The following UBE2E2 variants were observed in gnomAD, a reference collection of about 807,000 sequenced individuals.
The protein encoded by UBE2E2 is ubiquitin conjugating enzyme E2 E2, also known as ubiquitin-conjugating enzyme E2 E2.
Under a neutral mutation model 24.7 loss-of-function variants are expected in UBE2E2, and 6 were observed. The ratio of observed to expected loss-of-function variants is 0.24; its 90% CI spans 0.13 to 0.48. UBE2E2 has a LOEUF of 0.48. Among genes scored for constraint, UBE2E2 ranks in the 20% least tolerant of loss-of-function variants. The probability of loss-of-function intolerance (pLI) is 0.99; values close to 1 mark genes in which losing one functional copy is unlikely to be tolerated. For synonymous variants in UBE2E2, 104 were observed against 83.6 expected (o/e 1.24, Z -1.33); for missense variants, 169 against 245.0 (o/e 0.69, Z 2.07).
At chr3:23,428,210 C>T (rs1476585284) in intron 3 of UBE2E2, among the ~76,000 whole-genome samples, 1 of 152,128 alleles carries the variant, frequency 6.6e-6, no homozygotes, top group Non-Finnish European at 1.5e-5. Context: ...GCTGTGCGAC[C>T]ACAATGGAGT....
At chr3:23,503,152 T>G (rs576146496) in intron 4 of UBE2E2, among the ~76,000 whole-genome samples, 83 of 145,056 alleles carry the variant, frequency 5.7e-4, no homozygotes, top group African/African-American at 1.8e-3. Context: ...TTTTTTGGGG[T>G]TTTTTTTTTG....
chr3:23,273,553 A>G (rs1387760734), intron 3 of UBE2E2, among the ~76,000 whole-genome samples: 1 of 151,952 alleles, frequency 6.6e-6, no homozygotes, highest in Non-Finnish European at 1.5e-5. Context: ...AAGAGAGAGA[A>G]ATGATGTACA....
rs868751591 is a variant in UBE2E2 at position 23,400,633 on chromosome 3, C to T, written c.228-98975C>T. On this transcript the variant is annotated intron_variant, in intron 3 of 5. Transcript: ENST00000396703. ...ACACACACACACACACACACACACA[C>T]ACACACACATCTCAGGCCTTTCAGT... 7.4e-5 allele frequency among the ~76,000 whole-genome samples: 10 copies of T among 134,276 alleles called. No homozygotes were observed. In the East Asian group the frequency reaches 1.8e-3, roughly 24 times the overall value. 88.1% of individuals were successfully genotyped at this position (134,276 alleles called of 152,430 possible).
chr3:23,215,454 C>A (rs1045648213), intron 2 of UBE2E2, among the ~76,000 whole-genome samples: 5 of 152,132 alleles, frequency 3.3e-5, no homozygotes, highest in Non-Finnish European at 5.9e-5. Flanking sequence ...CTCCCCACCT[C>A]ACCCCCAATG....
intron 3 of UBE2E2, among the ~76,000 whole-genome samples, chr3:23,250,442 A>G (rs1015854749): frequency 2.6e-5 from 4 of 152,186 alleles, no homozygotes; most frequent in Admixed American, 1.3e-4. Context: ...AGATTGGAAA[A>G]ATGGTGGCAT....
chr3:23,328,020 T>C (rs1335764416), intron 3 of UBE2E2, among the ~76,000 whole-genome samples: 6 of 151,916 alleles, frequency 3.9e-5, no homozygotes, highest in Non-Finnish European at 2.9e-5. Flanking sequence ...ATACAATAAG[T>C]ATACTTATGT....
chr3:23,319,236 GT>G (rs1281413135), intron 3 of UBE2E2, among the ~76,000 whole-genome samples: 3 of 152,070 alleles, frequency 2.0e-5, no homozygotes, highest in Non-Finnish European at 4.4e-5. Context: ...AAGGAATTGT[GT>G]TTATTTATTT....
At chr3:23,454,267 T>G (rs1274124255) in intron 3 of UBE2E2, among the ~76,000 whole-genome samples, 1 of 152,250 alleles carries the variant, frequency 6.6e-6, no homozygotes, top group Non-Finnish European at 1.5e-5. Flanking sequence ...CATGTGTTTA[T>G]TAGTTATTAA....
chr3:23,367,706 C>G (rs760753143), intron 3 of UBE2E2, among the ~76,000 whole-genome samples: 12 of 152,044 alleles, frequency 7.9e-5, no homozygotes, highest in Admixed American at 3.3e-4. Context: ...TTGCAGAAAC[C>G]CTAACTGGAA....
intron 3 of UBE2E2, among the ~76,000 whole-genome samples, chr3:23,423,892 G>C (rs975546108): frequency 6.6e-6 from 1 of 152,130 alleles, no homozygotes; most frequent in Non-Finnish European, 1.5e-5. Flanking sequence ...ACTGAAAACT[G>C]TATCTCTGCC....
intron 4 of UBE2E2, among the ~76,000 whole-genome samples, chr3:23,518,819 T>C (rs1694800879): frequency 6.6e-6 from 1 of 152,222 alleles, no homozygotes; most frequent in Non-Finnish European, 1.5e-5. Context: ...GTTTCACATA[T>C]ATTCATTTCT....
rs1319432439 is a variant in UBE2E2, at chr3:23,267,370, GA to G, written c.227+50059del. On this transcript the variant is annotated intron_variant, in intron 3 of 5. Coordinates refer to ENST00000396703, the MANE Select transcript of UBE2E2 (RefSeq NM_152653.4). ...AGACGCAATAAAAAATGATAAAGGG[GA>G]TGTCACCACTGATCCCACAGAAATA... 9.2e-5 allele frequency among the ~76,000 whole-genome samples: 14 copies of G among 152,212 alleles called. No individual in the cohort carries two copies. The East Asian group carries it at 2.7e-3, about 29-fold the overall frequency.
chr3:23,214,173 T>C (rs1189284837), intron 2 of UBE2E2, among the ~76,000 whole-genome samples: 1 of 152,188 alleles, frequency 6.6e-6, no homozygotes, highest in Admixed American at 6.5e-5. Flanking sequence ...AATTGCTTTT[T>C]GTATTGAATA....
chr3:23,508,357 C>T (rs577818257), intron 4 of UBE2E2, among the ~76,000 whole-genome samples: 3 of 152,242 alleles, frequency 2.0e-5, no homozygotes, highest in African/African-American at 7.2e-5. Flanking sequence ...TTATTGTAAG[C>T]CAAATTAAAT....
At chr3:23,368,782 C>CA (rs944175850) in intron 3 of UBE2E2, among the ~76,000 whole-genome samples, 1 of 152,018 alleles carries the variant, frequency 6.6e-6, no homozygotes, top group Non-Finnish European at 1.5e-5. Context: ...ATTTTCACAA[C>CA]AAAAAAGTCA....
chr3:23,203,471 G>T lies in UBE2E2; in HGVS notation c.-9+7G>T. On this transcript the variant is annotated splice_region_variant and intron_variant, in intron 1 of 5. Coordinates refer to ENST00000396703, the MANE Select transcript of UBE2E2 (RefSeq NM_152653.4). ...ACGGACACCCCCCCCTCAGGTATTCGCTCGGGCCGCGCCGGTGCCTCCCCT... is the reference window on the plus strand; with the variant it reads ...ACGGACACCCCCCCCTCAGGTATTCTCTCGGGCCGCGCCGGTGCCTCCCCT... The T allele has an allele frequency of 3.2e-6, 3 of 944,954 alleles. No individual in the cohort carries two copies. Among genetic ancestry groups the T allele is most frequent in the Non-Finnish European group, 3.7e-6 (3 of 819,392 alleles). 58.5% of individuals were successfully genotyped at this position (944,954 alleles called of 1,614,324 possible). A position where few individuals can be genotyped will look rare whatever the true frequency, so the allele number is the denominator to read the frequency against.
intron 3 of UBE2E2, among the ~76,000 whole-genome samples, chr3:23,427,590 T>G (rs1697957062): frequency 6.6e-6 from 1 of 152,218 alleles, no homozygotes; most frequent in African/African-American, 2.4e-5. Flanking sequence ...TGAATAGCAG[T>G]GGCCTAAATA....
Position 23,390,383 on chromosome 3 carries a change from G to C in UBE2E2, c.228-109225G>C, listed in dbSNP as rs78255385. ...ATTGTCGGAGACTACAGATAGATGT[G>C]GCTTAAGTTGAGACAACATGGCTTC... On this transcript the variant is annotated intron_variant, in intron 3 of 5. Transcript: ENST00000396703. Among the ~76,000 whole-genome samples the C allele has an allele frequency of 2.3e-3, 349 of 152,242 alleles. 12 individuals are homozygous for C. The East Asian group carries it at 0.05, about 22-fold the overall frequency.
intron 3 of UBE2E2, among the ~76,000 whole-genome samples, chr3:23,482,130 G>GA (rs1699272114): frequency 6.6e-6 from 1 of 152,204 alleles, no homozygotes; most frequent in Non-Finnish European, 1.5e-5. Flanking sequence ...GACATAATGT[G>GA]AAAGTGCTGT....
Sources: allele counts gnomAD v4.1 joint callset (sites outside exome capture counted in the v4.1 genomes callset), GRCh38; gene constraint gnomAD v4.1.1; transcripts MANE v1.5; gene names NCBI Gene and HGNC (gene_info 2026-07-23, HGNC 2026-07-21).